ABLIM2: variants seen among roughly 807,000 people sequenced by gnomAD.
ABLIM2 encodes actin-binding LIM protein 2.
In ABLIM2, 53 loss-of-function variants were observed where a neutral mutation model predicts 97.7. The observed-to-expected ratio is 0.54, with a 90% CI of 0.44 to 0.68. The LOEUF (loss-of-function observed/expected upper bound fraction) is 0.68, where lower values mean the gene tolerates loss of function less well. Ranked by LOEUF, ABLIM2 falls within the 30% of genes least tolerant of loss-of-function variation. ABLIM2 has a pLI of 0.00. For missense variants in ABLIM2, 835 were observed against 867.2 expected (o/e 0.96, Z 0.47); for synonymous variants, 361 against 345.8 (o/e 1.04, Z -0.49).
intron 3 of ABLIM2, 27 bp from the exon 4 acceptor site, chr4:8,088,311 C>T (rs1157685440): frequency 6.3e-7 from 1 of 1,592,238 alleles, no homozygotes; most frequent in Admixed American, 1.7e-5. Context: ...CGTTACCAGC[C>T]AGGCCCACCT....
intron 6 of ABLIM2, among the ~76,000 whole-genome samples, chr4:8,066,329 G>T: frequency 9.4e-6 from 1 of 106,344 alleles, no homozygotes; most frequent in Non-Finnish European, 1.9e-5. Context: ...AAAGAAAAAA[G>T]AAAGGAGGGA....
chr4:8,108,646 T>C (rs1297168590), intron 1 of ABLIM2, among the ~76,000 whole-genome samples: 1 of 152,206 alleles, frequency 6.6e-6, no homozygotes, highest in South Asian at 2.1e-4. Flanking sequence ...AATACATCCC[T>C]AACCAATCAC....
At chr4:7,975,335 C>T (rs1027339939) in intron 20 of ABLIM2, among the ~76,000 whole-genome samples, 1 of 152,236 alleles carries the variant, frequency 6.6e-6, no homozygotes, top group Non-Finnish European at 1.5e-5. Flanking sequence ...GTGTGCTGAA[C>T]CCCGCTCTGC....
At position 8,019,725 on chromosome 4, in the gene ABLIM2, G is replaced by T. The variant is rs1405385626; in HGVS notation, c.1370-54C>A. 5 of 1,520,884 alleles carry T rather than the reference G, an allele frequency of 3.3e-6. No individual in the cohort carries two copies. In the African/African-American group the frequency reaches 4.1e-5, roughly 13 times the overall value. The allele number at this position is 1,520,884 out of a possible 1,614,324, so 94.2% of individuals were successfully genotyped here. The stretch of plus-strand genomic sequence containing the variant: ...AGAACAGGAGGGTAAGCAGCAAGTT[G>T]TGATGGTTTCTGTTCTACAGCTTTT... On this transcript the variant is annotated intron_variant, in intron 13 of 20. Coordinates refer to ENST00000447017, the MANE Select transcript of ABLIM2 (RefSeq NM_001130083.2). This position sits in a 1 kb window ranked among gnomAD's most constrained non-coding sequence, Gnocchi z 4.3.
At chr4:8,088,347 G>T in intron 3 of ABLIM2, 63 bp from the exon 4 acceptor site, 2 of 1,353,964 alleles carry the variant, frequency 1.5e-6, no homozygotes, top group Non-Finnish European at 2.1e-6. Context: ...GGGGAGCCCT[G>T]TCCCAGTGCA....
intron 8 of ABLIM2, among the ~76,000 whole-genome samples, chr4:8,052,437 GA>G (rs1235951306): frequency 6.6e-6 from 1 of 152,252 alleles, no homozygotes; most frequent in African/African-American, 2.4e-5. Context: ...AGCTATTTGA[GA>G]GGACAACAAA....
intron 11 of ABLIM2, among the ~76,000 whole-genome samples, chr4:8,028,949 G>A (rs2086241338): frequency 6.6e-6 from 1 of 152,252 alleles, no homozygotes; most frequent in Non-Finnish European, 1.5e-5. Context: ...AGCTGGCCAG[G>A]AAGGAAGCAG....
intron 17 of ABLIM2, 76 bp from the exon 18 acceptor site, chr4:7,984,969 G>T (rs950268898): frequency 1.3e-5 from 19 of 1,506,738 alleles, no homozygotes; most frequent in Admixed American, 7.7e-5. Flanking sequence ...ACCAGGAGAT[G>T]TGGCCCCTTG....
At chr4:8,091,562 TATTATATATAATTTTATATAA>T (rs1828187339) in intron 3 of ABLIM2, among the ~76,000 whole-genome samples, 1 of 56,358 alleles carries the variant, frequency 1.8e-5, no homozygotes, top group East Asian at 5.9e-4. Context: ...TAATTATATA[TATTATATATAATTTTATATAA>T]AATTATATAT....
chr4:8,097,605 G>A (rs1040545375), intron 2 of ABLIM2, among the ~76,000 whole-genome samples: 27 of 152,226 alleles, frequency 1.8e-4, no homozygotes, highest in African/African-American at 5.3e-4. Flanking sequence ...CTGTGACCCC[G>A]CCAGGGATGG....
chr4:8,063,648 A>G (rs1308024751), intron 6 of ABLIM2, among the ~76,000 whole-genome samples: 2 of 152,054 alleles, frequency 1.3e-5, no homozygotes, highest in African/African-American at 2.4e-5. Flanking sequence ...CAGGCACTCA[A>G]CCCCCAGCCT....
At chr4:8,016,893 C>T (rs984600885) in intron 14 of ABLIM2, among the ~76,000 whole-genome samples, 7 of 152,200 alleles carry the variant, frequency 4.6e-5, no homozygotes, top group Non-Finnish European at 8.8e-5. Context: ...GAAGAGCTTC[C>T]CTTTACCCTC....
rs145625577 is a variant in ABLIM2 at position 8,083,681 on chromosome 4, G to A, written c.455-2879C>T. 1.7e-4 allele frequency among the ~76,000 whole-genome samples: 26 copies of A among 152,318 alleles called. No individual in the cohort carries two copies. In the East Asian group the frequency reaches 4.1e-3, roughly 24 times the overall value. ...CTCCACATTGCTTTGCGGGCTCTGC[G>A]CATGGCAGCTCAGAGTCCTGTGTGA... On this transcript the variant is annotated intron_variant, in intron 4 of 20. Coordinates refer to ENST00000447017, the MANE Select transcript of ABLIM2 (RefSeq NM_001130083.2). The surrounding 1 kb of genome is among the most constrained non-coding windows in gnomAD (Gnocchi z 4.6).
At chr4:8,028,138 C>A (rs1408152578) in intron 11 of ABLIM2, among the ~76,000 whole-genome samples, 1 of 152,222 alleles carries the variant, frequency 6.6e-6, no homozygotes, top group African/African-American at 2.4e-5. Context: ...AGGCCTGTCG[C>A]TTAGCATTTG....
chr4:8,035,052 AGGTAGGTGGGTG>A (rs1783720441), intron 10 of ABLIM2, among the ~76,000 whole-genome samples: 1 of 66,464 alleles, frequency 1.5e-5, no homozygotes, highest in African/African-American at 5.0e-5. Flanking sequence ...GATGGGTGGT[AGGTAGGTGGGTG>A]CAGGTGAGTG....
At chr4:8,086,597 G>A (rs1056069536) in intron 4 of ABLIM2, among the ~76,000 whole-genome samples, 11 of 151,906 alleles carry the variant, frequency 7.2e-5, no homozygotes, top group Non-Finnish European at 1.3e-4. Flanking sequence ...CACCCGCCCC[G>A]GCCTCCCAAA....
Position 8,081,960 on chromosome 4 carries a change from CGTAT to C in ABLIM2, c.455-1162_455-1159del, listed in dbSNP as rs1400291252. Reference sequence around the variant, plus strand: ...TGTGACTGGTGCGTGAGTGTGTCTACGTATGTGTTTGTGTCTGCATGTGCGAATA... The same window carrying C: ...TGTGACTGGTGCGTGAGTGTGTCTACGTGTTTGTGTCTGCATGTGCGAATA... On this transcript the variant is annotated intron_variant, in intron 4 of 20. Coordinates refer to ENST00000447017, the MANE Select transcript of ABLIM2 (RefSeq NM_001130083.2). Among the ~76,000 whole-genome samples, 4 of 152,064 alleles carry C rather than the reference CGTAT, an allele frequency of 2.6e-5. 1 individual carries two copies. The highest frequency in any genetic ancestry group is 2.1e-4 in the South Asian group (1 of 4,820).
intron 1 of ABLIM2, among the ~76,000 whole-genome samples, chr4:8,115,492 C>A (rs918218611): frequency 6.6e-6 from 1 of 152,170 alleles, no homozygotes; most frequent in African/African-American, 2.4e-5. Flanking sequence ...GCTTGGGGAA[C>A]AGGATGAACC....
rs1757653440 is a variant in ABLIM2, at chr4:8,002,129, G to A, written c.1618+5930C>T. Among the ~76,000 whole-genome samples, 2 of 152,092 alleles carry A rather than the reference G, an allele frequency of 1.3e-5. No individual in the cohort carries two copies. The highest frequency in any genetic ancestry group is 1.3e-4 in the Admixed American group (2 of 15,272). ...AGTGGCTGGGGCTACCAACTCCCAC[G>A]GTTCCAGTCCCATCTGGGAGCCGGG... is the stretch of plus-strand genomic sequence containing the variant. On this transcript the variant is annotated intron_variant, in intron 16 of 20. Coordinates refer to ENST00000447017, the MANE Select transcript of ABLIM2 (RefSeq NM_001130083.2). This position sits in a 1 kb window ranked among gnomAD's most constrained non-coding sequence, Gnocchi z 6.1.
Sources: allele counts gnomAD v4.1 joint callset (sites outside exome capture counted in the v4.1 genomes callset), GRCh38; gene constraint gnomAD v4.1.1; non-coding constraint Gnocchi (gnomAD v3.1); transcripts MANE v1.5; gene names NCBI Gene and HGNC (gene_info 2026-07-23, HGNC 2026-07-21).